MCC: variants seen among roughly 807,000 people sequenced by gnomAD.
MCC encodes colorectal mutant cancer protein.
MCC carries 90 observed loss-of-function variants against 116.2 expected under a neutral mutation model. That is an observed-to-expected ratio of 0.77 (90% CI 0.65 to 0.92). The LOEUF (loss-of-function observed/expected upper bound fraction) is 0.92, where lower values mean the gene tolerates loss of function less well. MCC is among the 40% of genes least tolerant of loss of function. The pLI, the probability that MCC is intolerant of heterozygous loss-of-function variation, is 0.00. For missense variants in MCC, 1,516 were observed against 1,312.2 expected (o/e 1.16, Z -2.40); for synonymous variants, 578 against 510.5 (o/e 1.13, Z -1.78).
chr5:113,211,534 T>C (rs898726397), intron 3 of MCC, among the ~76,000 whole-genome samples: 1 of 152,150 alleles, frequency 6.6e-6, no homozygotes, highest in East Asian at 1.9e-4. Flanking sequence ...GCTTGGGGGG[T>C]TCTTGTTGCC....
intron 7 of MCC, 39 bp from the exon 8 acceptor site, chr5:113,101,984 C>T (rs1231465855): frequency 6.2e-7 from 1 of 1,603,604 alleles, no homozygotes; most frequent in Non-Finnish European, 8.5e-7. Context: ...AAGTAAGTTA[C>T]CTTGGAGAAA....
intron 1 of MCC, among the ~76,000 whole-genome samples, chr5:113,430,466 C>T (rs1220124042): frequency 6.6e-6 from 1 of 152,130 alleles, no homozygotes; most frequent in African/African-American, 2.4e-5. Context: ...AAAGGTCCAG[C>T]CCTCTGAGGG....
intron 3 of MCC, among the ~76,000 whole-genome samples, chr5:113,245,026 C>T (rs890191979): frequency 6.6e-6 from 1 of 152,164 alleles, no homozygotes; most frequent in African/African-American, 2.4e-5. Context: ...GCTTTTGCTT[C>T]TGGAAAGCAC....
intron 2 of MCC, among the ~76,000 whole-genome samples, chr5:113,351,179 T>G (rs576186238): frequency 6.6e-6 from 1 of 152,140 alleles, no homozygotes; most frequent in Non-Finnish European, 1.5e-5. Context: ...GCAGTCCCAC[T>G]GCTGGATATA....
intron 2 of MCC, among the ~76,000 whole-genome samples, chr5:113,378,390 C>T (rs1379242059): frequency 6.6e-6 from 1 of 152,120 alleles, no homozygotes; most frequent in Admixed American, 6.5e-5. Context: ...AGGTGAGAAT[C>T]TACCTCAAGG....
intron 16 of MCC, among the ~76,000 whole-genome samples, chr5:113,045,854 G>C (rs1392376365): frequency 3.3e-5 from 5 of 151,668 alleles, no homozygotes; most frequent in Non-Finnish European, 5.9e-5. Context: ...CATGGCCACT[G>C]GTCTCCCTGT....
chr5:113,112,002 TA>T (rs886799537), intron 6 of MCC, among the ~76,000 whole-genome samples: 1 of 152,114 alleles, frequency 6.6e-6, no homozygotes, highest in African/African-American at 2.4e-5. Flanking sequence ...ACAAGCCCTG[TA>T]AAAATCCTAA....
chr5:113,143,451 C>T, intron 4 of MCC, 91 bp from the exon 5 acceptor site: 1 of 1,341,152 alleles, frequency 7.5e-7, no homozygotes, highest in African/African-American at 1.5e-5. Context: ...ACCATTACAA[C>T]TGCCAACACT....
intron 3 of MCC, among the ~76,000 whole-genome samples, chr5:113,154,525 C>T (rs1025748250): frequency 1.3e-5 from 2 of 152,204 alleles, no homozygotes; most frequent in Admixed American, 6.5e-5. Flanking sequence ...AATCTCTGTG[C>T]GTTTGAGTTC....
At chr5:113,126,594 C>T (rs1758065963) in intron 5 of MCC, among the ~76,000 whole-genome samples, 1 of 151,896 alleles carries the variant, frequency 6.6e-6, no homozygotes, top group Non-Finnish European at 1.5e-5. Flanking sequence ...CAAAAACAAA[C>T]TTTTTTTAAG....
At chr5:113,095,994 T>C (rs1175813648) in intron 8 of MCC, among the ~76,000 whole-genome samples, 1 of 152,196 alleles carries the variant, frequency 6.6e-6, no homozygotes, top group Non-Finnish European at 1.5e-5. Context: ...AGTGCCTCCA[T>C]GCCTTGGGAG....
chr5:113,029,990 CT>C (rs1219779297), intron 17 of MCC, among the ~76,000 whole-genome samples: 1 of 152,202 alleles, frequency 6.6e-6, no homozygotes, highest in Non-Finnish European at 1.5e-5. Context: ...TGGGTGACAG[CT>C]TCTAGTGACT....
chr5:113,213,746 T>C (rs1349870958), intron 3 of MCC, among the ~76,000 whole-genome samples: 1 of 152,164 alleles, frequency 6.6e-6, no homozygotes, highest in Admixed American at 6.5e-5. Context: ...GGTTTCTAAT[T>C]CCTGACACGT....
intron 1 of MCC, among the ~76,000 whole-genome samples, chr5:113,452,710 T>G (rs1038794049): frequency 4.6e-5 from 7 of 152,244 alleles, no homozygotes; most frequent in Non-Finnish European, 1.0e-4. Flanking sequence ...CAGAAGGGCA[T>G]AGTTGGAACT....
intron 1 of MCC, among the ~76,000 whole-genome samples, chr5:113,464,782 C>A (rs2150427342): frequency 9.7e-6 from 1 of 102,746 alleles, no homozygotes; most frequent in Non-Finnish European, 1.9e-5. Context: ...TATATACTAT[C>A]AAATAGCAAC....
chr5:113,280,711 G>A (rs1490650012), intron 3 of MCC, among the ~76,000 whole-genome samples: 1 of 152,144 alleles, frequency 6.6e-6, no homozygotes, highest in Admixed American at 6.5e-5. Context: ...GAGGGAGGAG[G>A]AGGAAGAATA....
At chr5:113,061,899 G>C (rs897567852) in intron 14 of MCC, among the ~76,000 whole-genome samples, 9 of 152,196 alleles carry the variant, frequency 5.9e-5, no homozygotes, top group African/African-American at 2.2e-4. Flanking sequence ...AGCCAGAATG[G>C]CAAGATTTAC....
chr5:113,046,249 G>A (rs1028868932), intron 16 of MCC, among the ~76,000 whole-genome samples: 1 of 151,802 alleles, frequency 6.6e-6, no homozygotes, highest in African/African-American at 2.4e-5. Context: ...CTGTGGTGCG[G>A]CTGCACGACC....
intron 1 of MCC, among the ~76,000 whole-genome samples, chr5:113,480,934 C>T (rs1465718336): frequency 1.3e-5 from 2 of 152,038 alleles, no homozygotes; most frequent in African/African-American, 4.8e-5. Context: ...GCTGCCATGC[C>T]TGGGTAATTT....
Sources: gnomAD v4.1 joint callset for allele counts (sites outside exome capture counted in the v4.1 genomes callset) on GRCh38, gnomAD v4.1.1 for gene constraint, MANE v1.5 for transcripts, NCBI Gene and HGNC (gene_info 2026-07-23, HGNC 2026-07-21) for gene names.